The following TOLLIP variants were observed in gnomAD, a reference collection of about 807,000 sequenced individuals.
TOLLIP encodes toll-interacting protein.
A neutral mutation model predicts 33.5 loss-of-function variants in TOLLIP; 16 were observed. The ratio of observed to expected loss-of-function variants is 0.48; its 90% confidence interval spans 0.32 to 0.72. The LOEUF (loss-of-function observed/expected upper bound fraction) is 0.72, where lower values mean the gene tolerates loss of function less well. TOLLIP is among the 30% of genes least tolerant of loss of function. The pLI is 0.03. For missense variants in TOLLIP, 325 were observed against 396.6 expected, an observed-to-expected ratio of 0.82 and a Z score of 1.53; for synonymous variants, 176 against 163.7, an observed-to-expected ratio of 1.07 and a Z score of -0.57.
chr11:1,285,412 A>G (rs752566191), intron 5 of TOLLIP, among the ~76,000 whole-genome samples: 1 of 152,254 alleles, frequency 6.6e-6, no homozygotes, highest in African/African-American at 2.4e-5. Context: ...GTCTTGCACC[A>G]GCAGCTACCA....
chr11:1,283,348 G>A (rs952984875), intron 5 of TOLLIP: 4 of 346,464 alleles, frequency 1.2e-5, no homozygotes, highest in African/African-American at 2.2e-5. Flanking sequence ...CAGTGACCCC[G>A]GCCTGGATGC....
At chr11:1,284,103 T>A (rs554216025) in intron 5 of TOLLIP, among the ~76,000 whole-genome samples, 1 of 152,274 alleles carries the variant, frequency 6.6e-6, no homozygotes, top group East Asian at 1.9e-4. Context: ...CCAGGGCGCA[T>A]CAGGGCCCCC....
chr11:1,284,562 G>T (rs1164547328), intron 5 of TOLLIP, among the ~76,000 whole-genome samples: 1 of 152,158 alleles, frequency 6.6e-6, no homozygotes, highest in Non-Finnish European at 1.5e-5. Flanking sequence ...TGTTGGCCAG[G>T]ATGGTCTTGA....
At chr11:1,301,377 C>CA (rs965506970) in intron 1 of TOLLIP, among the ~76,000 whole-genome samples, 17 of 152,220 alleles carry the variant, frequency 1.1e-4, no homozygotes, top group African/African-American at 3.9e-4. Flanking sequence ...GGATCCCACA[C>CA]AAACGGCATC....
In TOLLIP at chr11:1,275,103, G is replaced by A. The variant is rs1197306736; in HGVS notation, c.*1936C>T. The A allele has an allele frequency of 3.3e-5, 5 of 152,310 alleles. No homozygotes were observed. Among genetic ancestry groups the A allele is most frequent in the African/African-American group, 9.6e-5 (4 of 41,574 alleles). 9.4% of individuals were successfully genotyped at this position (152,310 alleles called of 1,614,324 possible). On this transcript the variant is annotated 3_prime_UTR_variant, in exon 6 of 6. Transcript: ENST00000317204. Reference sequence around the variant, plus strand: ...AGAGATGGCGGCAAGCGTGGTCATCGGCAAAGGGTTGCTCTCCCTCCAGCG... The same window carrying A: ...AGAGATGGCGGCAAGCGTGGTCATCAGCAAAGGGTTGCTCTCCCTCCAGCG...
intron 1 of TOLLIP, among the ~76,000 whole-genome samples, chr11:1,297,754 C>T (rs978448831): frequency 6.6e-6 from 1 of 152,238 alleles, no homozygotes; most frequent in African/African-American, 2.4e-5. Flanking sequence ...GCAGAGGTGC[C>T]TGAGCGGAGT....
intron 2 of TOLLIP, among the ~76,000 whole-genome samples, chr11:1,292,891 G>A (rs1402804528): frequency 5.3e-5 from 8 of 152,378 alleles, no homozygotes; most frequent in Middle Eastern, 6.8e-3. Context: ...TGCAGGAAGC[G>A]GGAGGAGAAC....
chr11:1,294,438 C>T (rs1355331200), intron 2 of TOLLIP, among the ~76,000 whole-genome samples: 2 of 114,336 alleles, frequency 1.7e-5, no homozygotes, highest in African/African-American at 7.1e-5. Context: ...AGCCGCGTGG[C>T]TCACAGTGTG....
At chr11:1,301,099 G>A (rs1864263098) in intron 1 of TOLLIP, among the ~76,000 whole-genome samples, 1 of 152,278 alleles carries the variant, frequency 6.6e-6, no homozygotes. Context: ...TATGCGCTGA[G>A]CAGCGCTGAG....
Position 1,285,988 on chromosome 11 carries a change from G to A in TOLLIP, c.610+14C>T. Reference sequence around the variant, plus strand: ...CTACCAGGGGAGAGGCACCCAGGGAGGGAGCACACGCACCTGTGATGGGCA... The same window carrying A: ...CTACCAGGGGAGAGGCACCCAGGGAAGGAGCACACGCACCTGTGATGGGCA... On this transcript the variant is annotated intron_variant, in intron 5 of 5. Transcript: ENST00000317204. 3.8e-6 allele frequency: 6 copies of A among 1,580,978 alleles called. No homozygotes were observed. The highest frequency in any genetic ancestry group is 5.2e-6 in the Non-Finnish European group (6 of 1,163,794).
intron 3 of TOLLIP, among the ~76,000 whole-genome samples, chr11:1,289,093 C>A (rs1863847227): frequency 6.6e-6 from 1 of 152,218 alleles, no homozygotes; most frequent in Non-Finnish European, 1.5e-5. Context: ...ACTGGCTGCT[C>A]CTCCCCAGCC....
At chr11:1,299,441 C>A (rs1189462329) in intron 1 of TOLLIP, among the ~76,000 whole-genome samples, 1 of 152,184 alleles carries the variant, frequency 6.6e-6, no homozygotes, top group Non-Finnish European at 1.5e-5. Flanking sequence ...CTGAAGTAAA[C>A]CCTATCGTTT....
In TOLLIP at chr11:1,295,794, C is replaced by T; in HGVS notation, c.34G>A (p.Val12Met). The change falls in exon 2 of 6, where the codon GTG becomes ATG. Residue 12 changes from valine to methionine, a missense_variant and splice_region_variant. Transcript: ENST00000317204. ...ATTVSTQRGP[V>M]YIGELPQDFL... Reference sequence around the variant, plus strand: ...TCCTGCGGGAGCTCACCGATGTACACCTGCGGGGCCGGGGACCAGAGAGGC... The same window carrying T: ...TCCTGCGGGAGCTCACCGATGTACATCTGCGGGGCCGGGGACCAGAGAGGC... The T allele has an allele frequency of 6.4e-7, 1 of 1,555,758 alleles. No individual in the cohort carries two copies. The highest frequency in any genetic ancestry group is 8.7e-7 in the Non-Finnish European group (1 of 1,148,186).
At chr11:1,288,828 G>GC in intron 3 of TOLLIP, 52 bp from the exon 4 acceptor site, 1 of 1,573,292 alleles carries the variant, frequency 6.4e-7, no homozygotes, top group Admixed American at 1.8e-5. Flanking sequence ...GGGCCACCCT[G>GC]CCCCTGCAGC....
intron 1 of TOLLIP, among the ~76,000 whole-genome samples, chr11:1,306,460 C>G (rs940062405): frequency 6.6e-6 from 1 of 152,148 alleles, no homozygotes; most frequent in Non-Finnish European, 1.5e-5. Flanking sequence ...GCCCCCGGAC[C>G]CTGGGGAGCA....
chr11:1,287,526 CCCGCCGCAGCCTCA>C lies in TOLLIP; in HGVS notation c.519+1084_519+1097del, dbSNP rs1564969667. On this transcript the variant is annotated intron_variant, in intron 4 of 5. Coordinates refer to ENST00000317204, the MANE Select transcript of TOLLIP (RefSeq NM_019009.4). The stretch of plus-strand genomic sequence containing the variant: ...GCCGCAGCCTCCCCGCCGCAGCCTC[CCCGCCGCAGCCTCA>C]CCGCCGCAGCCTCCCCGCCGCAGCC... 6.0e-3 allele frequency among the ~76,000 whole-genome samples: 97 copies of C among 16,284 alleles called. 26 individuals are homozygous for C. The highest frequency in any genetic ancestry group is 7.7e-3 in the Admixed American group (15 of 1,952). 10.7% of individuals were successfully genotyped at this position (16,284 alleles called of 152,430 possible). A position where few individuals can be genotyped will look rare whatever the true frequency, so the allele number is the denominator to read the frequency against.
intron 1 of TOLLIP, chr11:1,302,595 G>C: frequency 1.0e-6 from 1 of 986,952 alleles, no homozygotes; most frequent in Non-Finnish European, 1.2e-6. Context: ...TGACCCTGCA[G>C]CCCCTGGCAC....
At chr11:1,293,524 G>A (rs1247466840) in intron 2 of TOLLIP, among the ~76,000 whole-genome samples, 1 of 152,236 alleles carries the variant, frequency 6.6e-6, no homozygotes, top group East Asian at 1.9e-4. Context: ...TGGCCGCCCA[G>A]AAGCCAAGAG....
chr11:1,281,874 T>C (rs1307463326), intron 5 of TOLLIP, among the ~76,000 whole-genome samples: 2 of 152,256 alleles, frequency 1.3e-5, no homozygotes, highest in Non-Finnish European at 2.9e-5. Flanking sequence ...GACTCCACCA[T>C]GCTTGCCTAG....
Sources: allele counts gnomAD v4.1 joint callset (sites outside exome capture counted in the v4.1 genomes callset), GRCh38; gene constraint gnomAD v4.1.1; transcripts MANE v1.5; gene names NCBI Gene and HGNC (gene_info 2026-07-23, HGNC 2026-07-21).